The following DLGAP4 variants were observed in gnomAD, a reference collection of about 807,000 sequenced individuals.
The protein encoded by DLGAP4 is DLG associated protein 4, also known as disks large-associated protein 4.
DLGAP4 carries 18 observed loss-of-function variants against 86.9 expected under a neutral mutation model. The ratio of observed to expected loss-of-function variants is 0.21; its 90% CI spans 0.14 to 0.31. The LOEUF (loss-of-function observed/expected upper bound fraction) is 0.31, where lower values mean the gene tolerates loss of function less well. Ranked by LOEUF, DLGAP4 falls within the 10% of genes least tolerant of loss-of-function variation. DLGAP4 has a pLI of 1.00. For synonymous variants in DLGAP4, 548 were observed against 574.3 expected (o/e 0.95, Z 0.65); for missense variants, 1,085 against 1,362.6 (o/e 0.80, Z 3.21).
At position 36,308,523 on chromosome 20, in the gene DLGAP4, T is replaced by A. The variant is rs1038147345; in HGVS notation, c.-304+2011T>A. On this transcript the variant is annotated intron_variant, in intron 1 of 12. Coordinates refer to ENST00000339266, the MANE Select transcript of DLGAP4 (RefSeq NM_001365621.2). The surrounding 1 kb of genome is among the most constrained non-coding windows in gnomAD (Gnocchi z 4.5). ...GCTGCCTGGCAGCTGAGTTGGTGTT[T>A]TTGAAGGAAGGCTGTGCAGCACTTG... Among the ~76,000 whole-genome samples the A allele has an allele frequency of 3.7e-4, 57 of 152,182 alleles. 1 individual carries two copies. The highest frequency in any genetic ancestry group is 1.3e-4 in the Admixed American group (2 of 15,284).
intron 2 of DLGAP4, among the ~76,000 whole-genome samples, chr20:36,422,594 T>C (rs758391479): frequency 6.6e-6 from 1 of 151,710 alleles, no homozygotes; most frequent in Non-Finnish European, 1.5e-5. Context: ...GTCAGGTGAG[T>C]TTTGTGTCAG....
rs185914905 is a variant in DLGAP4, at chr20:36,510,367, G to A, written c.2512+9756G>A. ...CAACCTCTGCTTCCCGGGTTCAAGC[G>A]ATTCTCCTGCCTCAGCCTCCTGAGT... is the stretch of plus-strand genomic sequence containing the variant. On this transcript the variant is annotated intron_variant, in intron 10 of 12. Coordinates refer to ENST00000339266, the MANE Select transcript of DLGAP4 (RefSeq NM_001365621.2). 1.8e-3 allele frequency among the ~76,000 whole-genome samples: 268 copies of A among 152,244 alleles called. 7 individuals carry two copies. The highest frequency in any genetic ancestry group is 0.017 in the Admixed American group (257 of 15,282).
intron 3 of DLGAP4, among the ~76,000 whole-genome samples, chr20:36,433,297 C>T (rs911391042): frequency 1.3e-5 from 2 of 152,240 alleles, no homozygotes; most frequent in African/African-American, 4.8e-5. Context: ...TGATGGGGAT[C>T]AGCACCAAGA....
chr20:36,470,501 T>C (rs1476332786), intron 7 of DLGAP4, among the ~76,000 whole-genome samples: 1 of 152,140 alleles, frequency 6.6e-6, no homozygotes, highest in Non-Finnish European at 1.5e-5. Flanking sequence ...TGGAGGTTTT[T>C]TTTGTGTGTA....
At chr20:36,476,678 A>G (rs1019321401) in intron 7 of DLGAP4, among the ~76,000 whole-genome samples, 1 of 122,652 alleles carries the variant, frequency 8.2e-6, no homozygotes, top group Middle Eastern at 6.3e-3. Flanking sequence ...TATCTCATTC[A>G]CTAGCCCAAT....
chr20:36,306,344 C>G lies in DLGAP4; in HGVS notation c.-472C>G, dbSNP rs1221222554. On this transcript the variant is annotated 5_prime_UTR_variant, in exon 1 of 13. Transcript: ENST00000339266. The surrounding 1 kb of genome is among the most constrained non-coding windows in gnomAD (Gnocchi z 4.9). Reference sequence around the variant, plus strand: ...GCCGCACGGCTCCTCCTCCCGCAGCCGCATCTGGGGCGCCGCGCCGGCCGG... The same window carrying G: ...GCCGCACGGCTCCTCCTCCCGCAGCGGCATCTGGGGCGCCGCGCCGGCCGG... The G allele has an allele frequency of 1.3e-5, 2 of 150,188 alleles. No homozygotes were observed. Among genetic ancestry groups the G allele is most frequent in the African/African-American group, 4.9e-5 (2 of 41,184 alleles). The allele number at this position is 150,188 out of a possible 1,614,324, so 9.3% of individuals were successfully genotyped here.
chr20:36,358,388 T>C (rs2030403007), intron 1 of DLGAP4, among the ~76,000 whole-genome samples: 1 of 152,346 alleles, frequency 6.6e-6, no homozygotes. Flanking sequence ...TCTTCTCCTG[T>C]CAGACCCTGA....
At chr20:36,379,994 C>A (rs1444035597) in intron 2 of DLGAP4, among the ~76,000 whole-genome samples, 1 of 152,054 alleles carries the variant, frequency 6.6e-6, no homozygotes, top group African/African-American at 2.4e-5. Flanking sequence ...CCAGCCTGGG[C>A]AACATAGTGA....
chr20:36,456,264 T>G (rs1242307445), intron 7 of DLGAP4, among the ~76,000 whole-genome samples: 1 of 152,202 alleles, frequency 6.6e-6, no homozygotes, highest in Non-Finnish European at 1.5e-5. Context: ...AGGGAGCAGT[T>G]TCCTACCTGG....
chr20:36,361,486 C>T (rs782296945), intron 1 of DLGAP4, among the ~76,000 whole-genome samples: 1 of 152,076 alleles, frequency 6.6e-6, no homozygotes, highest in Non-Finnish European at 1.5e-5. Flanking sequence ...CAGAGTGAGG[C>T]GTTCATTTGT....
chr20:36,382,420 T>C (rs891681169), intron 2 of DLGAP4, among the ~76,000 whole-genome samples: 5 of 151,908 alleles, frequency 3.3e-5, no homozygotes, highest in Admixed American at 1.3e-4. Flanking sequence ...AGAGACTGAG[T>C]ACTGCTTTGT....
intron 2 of DLGAP4, among the ~76,000 whole-genome samples, chr20:36,391,770 C>T (rs2031792174): frequency 6.6e-6 from 1 of 152,144 alleles, no homozygotes; most frequent in Non-Finnish European, 1.5e-5. Context: ...GTGCTCAGCT[C>T]TGGGCCTGGC....
chr20:36,360,748 G>A (rs1237394905), intron 1 of DLGAP4, among the ~76,000 whole-genome samples: 4 of 151,962 alleles, frequency 2.6e-5, no homozygotes, highest in African/African-American at 9.7e-5. Flanking sequence ...AGCAGAGCAT[G>A]GGGGGCTGGA....
chr20:36,383,211 CAGCT>C (rs1381095666), intron 2 of DLGAP4, among the ~76,000 whole-genome samples: 1 of 152,170 alleles, frequency 6.6e-6, no homozygotes, highest in Non-Finnish European at 1.5e-5. Context: ...GGGCTCAAGG[CAGCT>C]CAAGCTGTTT....
At chr20:36,475,877 T>C (rs1244004185) in intron 7 of DLGAP4, among the ~76,000 whole-genome samples, 2 of 152,146 alleles carry the variant, frequency 1.3e-5, no homozygotes, top group Non-Finnish European at 2.9e-5. Flanking sequence ...TTGTTTGTTT[T>C]GAGACAGAGT....
At chr20:36,380,071 T>G (rs1460077193) in intron 2 of DLGAP4, among the ~76,000 whole-genome samples, 3 of 151,878 alleles carry the variant, frequency 2.0e-5, no homozygotes, top group Non-Finnish European at 4.4e-5. Context: ...TAGTTTCACC[T>G]GCTCAGGGGA....
chr20:36,441,224 G>C (rs1019052784), intron 5 of DLGAP4, among the ~76,000 whole-genome samples: 14 of 152,126 alleles, frequency 9.2e-5, no homozygotes, highest in African/African-American at 3.4e-4. Flanking sequence ...CTCCCTGTTG[G>C]ATCCTGTCCC....
At chr20:36,405,005 G>C (rs1027772802) in intron 2 of DLGAP4, among the ~76,000 whole-genome samples, 1 of 152,200 alleles carries the variant, frequency 6.6e-6, no homozygotes, top group Non-Finnish European at 1.5e-5. Flanking sequence ...CTGCAGACCT[G>C]GGGGAGGAGA....
intron 4 of DLGAP4, among the ~76,000 whole-genome samples, chr20:36,439,174 T>C (rs1379982980): frequency 1.3e-5 from 2 of 152,154 alleles, no homozygotes; most frequent in Admixed American, 1.3e-4. Flanking sequence ...TCTGCACCAC[T>C]GAATCCTCAC....
Sources: gnomAD v4.1 joint callset for allele counts (sites outside exome capture counted in the v4.1 genomes callset) on GRCh38, gnomAD v4.1.1 for gene constraint, Gnocchi (gnomAD v3.1) non-coding constraint, MANE v1.5 for transcripts, NCBI Gene and HGNC (gene_info 2026-07-23, HGNC 2026-07-21) for gene names.